SERGEF: variants seen among roughly 807,000 people sequenced by gnomAD.
SERGEF encodes secretion-regulating guanine nucleotide exchange factor.
In SERGEF, 51 loss-of-function variants were observed where a neutral mutation model predicts 50.0. That is an observed-to-expected ratio of 1.02 (90% CI 0.81 to 1.29). The LOEUF is 1.29. Among genes scored for constraint, SERGEF ranks in the 50% most tolerant of loss-of-function variants. The pLI, the probability that SERGEF is intolerant of heterozygous loss-of-function variation, is 0.00. For missense variants in SERGEF, 521 were observed against 557.0 expected, an observed-to-expected ratio of 0.94 and a Z score of 0.65; for synonymous variants, 205 against 212.4, an observed-to-expected ratio of 0.97 and a Z score of 0.30.
chr11:17,897,806 C>A (rs902404423), intron 9 of SERGEF, among the ~76,000 whole-genome samples: 2 of 152,156 alleles, frequency 1.3e-5, no homozygotes, highest in African/African-American at 4.8e-5. Flanking sequence ...TTTCTGCCTC[C>A]ACTTGTACCT....
At chr11:17,854,969 AG>A (rs1301122380) in intron 10 of SERGEF, 2 of 152,226 alleles carry the variant, frequency 1.3e-5, no homozygotes, top group Non-Finnish European at 2.9e-5. Context: ...TTATCTACAT[AG>A]GGAAACTGAG....
At position 17,995,806 on chromosome 11, in the gene SERGEF, G is replaced by A. The variant is rs748866471; in HGVS notation, c.612C>T (p.Ser204=). 6.2e-7 allele frequency: 1 copy of A among 1,610,912 alleles called. No homozygotes were observed. The highest frequency in any genetic ancestry group is 1.1e-5 in the South Asian group (1 of 90,964). ...AAAGAAGCATCTTACCTGTCACTCT[G>A]CTTGGTTCCTTTGCTGTGAAAAACA... ...LPLFFTAKEP[S]RVTGLENSKA... is the part of the protein sequence containing the mutation. The change falls in exon 6 of 11, where the codon AGC becomes AGT. Residue 204 remains serine (S), a synonymous_variant. Transcript: ENST00000265965.
At chr11:17,970,888 T>C (rs936895635) in intron 8 of SERGEF, among the ~76,000 whole-genome samples, 4 of 151,920 alleles carry the variant, frequency 2.6e-5, no homozygotes, top group African/African-American at 9.7e-5. Context: ...GGATGGTTCA[T>C]GAGGTTTAAA....
chr11:17,940,121 G>T (rs1428862910), intron 9 of SERGEF, among the ~76,000 whole-genome samples: 1 of 152,134 alleles, frequency 6.6e-6, no homozygotes, highest in Non-Finnish European at 1.5e-5. Flanking sequence ...AGCTGAATGG[G>T]AAGAGGTCTA....
At chr11:17,807,561 A>G (rs1243139445) in intron 10 of SERGEF, among the ~76,000 whole-genome samples, 1 of 152,124 alleles carries the variant, frequency 6.6e-6, no homozygotes, top group Admixed American at 6.5e-5. Context: ...GCTGTCCCCA[A>G]CTCCAGCCCC....
intron 8 of SERGEF, among the ~76,000 whole-genome samples, chr11:17,972,193 TA>T (rs1853261607): frequency 6.6e-6 from 1 of 152,242 alleles, no homozygotes; most frequent in Non-Finnish European, 1.5e-5. Context: ...TTTATAAACT[TA>T]ATTGACAAAG....
At position 17,925,680 on chromosome 11, in the gene SERGEF, C is replaced by T. The variant is rs75419807; in HGVS notation, c.1011+33790G>A. ...TGGTAAAAATGCACACAGGGAGGCACATTTCCATCTTACAAAAATGTTTTG... is the reference window on the plus strand; with the variant it reads ...TGGTAAAAATGCACACAGGGAGGCATATTTCCATCTTACAAAAATGTTTTG... On this transcript the variant is annotated intron_variant, in intron 9 of 10. Coordinates refer to ENST00000265965, the MANE Select transcript of SERGEF (RefSeq NM_012139.4). Among the ~76,000 whole-genome samples the T allele has an allele frequency of 3.3e-3, 504 of 152,218 alleles. 4 individuals are homozygous for T. Among genetic ancestry groups the T allele is most frequent in the African/African-American group, 0.011 (466 of 41,520 alleles).
At chr11:17,962,709 C>T (rs75043443) in intron 8 of SERGEF, among the ~76,000 whole-genome samples, 3 of 152,064 alleles carry the variant, frequency 2.0e-5, no homozygotes, top group East Asian at 3.9e-4. Context: ...CCACAGAAAA[C>T]GACAGAGGCC....
chr11:17,937,656 T>A (rs551216019), intron 9 of SERGEF, among the ~76,000 whole-genome samples: 1 of 152,322 alleles, frequency 6.6e-6, no homozygotes, highest in African/African-American at 2.4e-5. Context: ...GCATGCACAC[T>A]TTCTATAACA....
intron 8 of SERGEF, among the ~76,000 whole-genome samples, chr11:17,969,985 C>T (rs1853213396): frequency 6.6e-6 from 1 of 152,244 alleles, no homozygotes; most frequent in African/African-American, 2.4e-5. Context: ...AACTTAACTA[C>T]TCAAGGTCAA....
chr11:17,995,938 A>G (rs777622132), intron 5 of SERGEF, 29 bp from the exon 6 acceptor site: 1 of 1,495,928 alleles, frequency 6.7e-7, no homozygotes, highest in Non-Finnish European at 9.3e-7. Context: ...GAGAAAGCAG[A>G]GAAGATGCAC....
intron 6 of SERGEF, 94 bp from the exon 7 acceptor site, chr11:17,993,087 G>A (rs1853755179): frequency 1.0e-6 from 1 of 1,003,986 alleles, no homozygotes; most frequent in Admixed American, 2.0e-5. Flanking sequence ...GGGCGTGGGA[G>A]AGACTCAGCC....
intron 8 of SERGEF, among the ~76,000 whole-genome samples, chr11:17,963,934 A>G (rs1332670626): frequency 6.6e-6 from 1 of 152,150 alleles, no homozygotes; most frequent in Non-Finnish European, 1.5e-5. Context: ...CAACAACAAT[A>G]ACACAAGCCT....
At chr11:17,953,959 T>G (rs1489621399) in intron 9 of SERGEF, among the ~76,000 whole-genome samples, 1 of 152,204 alleles carries the variant, frequency 6.6e-6, no homozygotes, top group Non-Finnish European at 1.5e-5. Context: ...AGCACAGATG[T>G]GCTAGATTTT....
intron 9 of SERGEF, among the ~76,000 whole-genome samples, chr11:17,890,592 T>C (rs1851514388): frequency 6.6e-6 from 1 of 152,116 alleles, no homozygotes; most frequent in African/African-American, 2.4e-5. Flanking sequence ...GATGGACTGA[T>C]TGATTTTTTG....
At chr11:17,879,266 A>T (rs1488729112) in intron 9 of SERGEF, among the ~76,000 whole-genome samples, 1 of 152,220 alleles carries the variant, frequency 6.6e-6, no homozygotes, top group Non-Finnish European at 1.5e-5. Context: ...GGAGGAAGTG[A>T]CTGGGAATAC....
intron 10 of SERGEF, among the ~76,000 whole-genome samples, chr11:17,860,570 G>A (rs1350667169): frequency 6.6e-6 from 1 of 152,170 alleles, no homozygotes; most frequent in African/African-American, 2.4e-5. Flanking sequence ...GTGGGAAAAG[G>A]TGAGGCAGAA....
Position 17,840,248 on chromosome 11 carries a change from T to C in SERGEF, c.1048+37960A>G, listed in dbSNP as rs148658695. On this transcript the variant is annotated intron_variant, in intron 10 of 10. Coordinates refer to ENST00000265965, the MANE Select transcript of SERGEF (RefSeq NM_012139.4). ...GTATTTTAGATACACTACAGGATAT[T>C]TTAAAGGATACCAGCTCCCTTTTGT... Among the ~76,000 whole-genome samples, 136 of 152,344 alleles carry C rather than the reference T, an allele frequency of 8.9e-4. 1 individual carries two copies. The highest frequency in any genetic ancestry group is 3.0e-3 in the African/African-American group (125 of 41,582).
At chr11:17,867,218 T>G (rs1248175533) in intron 10 of SERGEF, among the ~76,000 whole-genome samples, 6 of 152,234 alleles carry the variant, frequency 3.9e-5, no homozygotes, top group African/African-American at 1.4e-4. Flanking sequence ...CCTATGAGCC[T>G]GTAAAATCAA....
Sources: allele counts gnomAD v4.1 joint callset (sites outside exome capture counted in the v4.1 genomes callset), GRCh38; gene constraint gnomAD v4.1.1; transcripts MANE v1.5; gene names NCBI Gene and HGNC (gene_info 2026-07-23, HGNC 2026-07-21).